TTC7A: variants seen among roughly 807,000 people sequenced by gnomAD.
The protein encoded by TTC7A is tetratricopeptide repeat domain 7A.
Under a neutral mutation model 103.7 loss-of-function variants are expected in TTC7A, and 110 were observed. The observed-to-expected ratio is 1.06, with a 90% confidence interval of 0.91 to 1.24. The LOEUF (loss-of-function observed/expected upper bound fraction) is 1.24, where lower values mean the gene tolerates loss of function less well. Among genes scored for constraint, TTC7A ranks in the 50% most tolerant of loss-of-function variants. TTC7A has a pLI of 0.00. For missense variants in TTC7A, 1,340 were observed against 1,116.3 expected, an observed-to-expected ratio of 1.20 and a Z score of -2.86; for synonymous variants, 521 against 467.9, an observed-to-expected ratio of 1.11 and a Z score of -1.47.
At chr2:47,065,615 A>C (rs899222820) in intron 19 of TTC7A, 6 of 152,194 alleles carry the variant, frequency 3.9e-5, no homozygotes, top group African/African-American at 1.2e-4. Context: ...GGGGGAGGGC[A>C]GAGAGCTTTT....
intron 19 of TTC7A, among the ~76,000 whole-genome samples, chr2:47,071,896 G>A (rs1226684347): frequency 6.6e-6 from 1 of 152,216 alleles, no homozygotes; most frequent in South Asian, 2.1e-4. Context: ...TTAACGTGTG[G>A]AAGCCACTCC....
rs759951486 is a variant in TTC7A, at chr2:47,051,732, C to T, written c.2018-14C>T. 1 of 1,606,892 alleles carries T rather than the reference C, an allele frequency of 6.2e-7. No homozygotes were observed. The highest frequency in any genetic ancestry group is 8.5e-7 in the Non-Finnish European group (1 of 1,176,994). On this transcript the variant is annotated splice_polypyrimidine_tract_variant and intron_variant, in intron 17 of 19. Coordinates refer to ENST00000319190, the MANE Select transcript of TTC7A (RefSeq NM_020458.4). ...CTCTGACCACTGCTCGGCTCGTGCC[C>T]TCTTGCTCTGCAGGCTCCCGGCGGG...
At chr2:46,970,894 T>C (rs906517061) in intron 3 of TTC7A, among the ~76,000 whole-genome samples, 6 of 152,258 alleles carry the variant, frequency 3.9e-5, no homozygotes, top group Middle Eastern at 3.2e-3. Context: ...AGGACCTTCA[T>C]GTTCTCTGCC....
intron 19 of TTC7A, among the ~76,000 whole-genome samples, chr2:47,062,615 G>A (rs1279074648): frequency 6.6e-6 from 1 of 152,238 alleles, no homozygotes; most frequent in African/African-American, 2.4e-5. Context: ...AGAGATGTCT[G>A]CCTTCCACTG....
At chr2:46,980,040 C>T (rs977296649) in intron 5 of TTC7A, among the ~76,000 whole-genome samples, 2 of 152,212 alleles carry the variant, frequency 1.3e-5, no homozygotes, top group African/African-American at 4.8e-5. Context: ...TTTCTTGTCA[C>T]TGACTGCCTG....
Position 46,966,807 on chromosome 2 carries a change from C to A in TTC7A, c.518-8166C>A, listed in dbSNP as rs1302582124. ...ACCCCCAGCTTTTTTTTTTTTTTTT[C>A]GAAGATAAATTCCTAGAAAGTAGAA... On this transcript the variant is annotated intron_variant, in intron 3 of 19. Coordinates refer to ENST00000319190, the MANE Select transcript of TTC7A (RefSeq NM_020458.4). Among the ~76,000 whole-genome samples the A allele has an allele frequency of 3.2e-5, 4 of 125,962 alleles. No individual in the cohort carries two copies. The South Asian group carries it at 7.8e-4, about 25-fold the overall frequency. 82.6% of individuals were successfully genotyped at this position (125,962 alleles called of 152,430 possible).
chr2:47,008,620 GA>G (rs1423298105), intron 10 of TTC7A, among the ~76,000 whole-genome samples: 1 of 152,216 alleles, frequency 6.6e-6, no homozygotes, highest in East Asian at 1.9e-4. Flanking sequence ...GATTGTTCTG[GA>G]AAGCATTCTC....
chr2:46,996,344 T>A (rs993744246), intron 8 of TTC7A, among the ~76,000 whole-genome samples: 7 of 152,046 alleles, frequency 4.6e-5, no homozygotes, highest in Non-Finnish European at 8.8e-5. Context: ...AATAGGTTTT[T>A]AAAAAAACGA....
In TTC7A at chr2:47,008,762, C is replaced by T. The variant is rs112007928; in HGVS notation, c.1287+2038C>T. Among the ~76,000 whole-genome samples the T allele has an allele frequency of 2.7e-3, 418 of 152,218 alleles. 3 individuals are homozygous for T. The highest frequency in any genetic ancestry group is 9.8e-3 in the African/African-American group (405 of 41,526). ...AAGGGCCTGTATCTGTGATTATGCC[C>T]GAAAGGCCTTCCAGAAGGTGAGTCT... On this transcript the variant is annotated intron_variant, in intron 10 of 19. Transcript: ENST00000319190.
chr2:46,968,870 G>A (rs1673094821), intron 3 of TTC7A, among the ~76,000 whole-genome samples: 1 of 151,622 alleles, frequency 6.6e-6, no homozygotes, highest in South Asian at 2.1e-4. Flanking sequence ...TATCACCACA[G>A]AAAGTCCCCT....
chr2:46,921,858 G>A (rs759184399), intron 2 of TTC7A, among the ~76,000 whole-genome samples: 34 of 151,890 alleles, frequency 2.2e-4, no homozygotes, highest in Admixed American at 8.5e-4. Flanking sequence ...ATCTCATGCC[G>A]CCACCGCTGA....
intron 11 of TTC7A, among the ~76,000 whole-genome samples, chr2:47,017,618 A>G (rs1403406635): frequency 6.6e-6 from 1 of 152,232 alleles, no homozygotes; most frequent in Non-Finnish European, 1.5e-5. Flanking sequence ...TATTACCCAC[A>G]GTGGGGTGAG....
intron 14 of TTC7A, among the ~76,000 whole-genome samples, chr2:47,027,586 G>A (rs967893744): frequency 6.6e-6 from 1 of 152,262 alleles, no homozygotes; most frequent in Non-Finnish European, 1.5e-5. Flanking sequence ...AGGGACAAAG[G>A]TGAGTGAGCG....
At chr2:46,955,213 G>A (rs940023120) in intron 2 of TTC7A, among the ~76,000 whole-genome samples, 54 of 151,290 alleles carry the variant, frequency 3.6e-4, no homozygotes, top group African/African-American at 1.2e-3. Flanking sequence ...CCACGAGGAA[G>A]ACGCAGCCCG....
chr2:47,064,567 C>T (rs1684038068), intron 19 of TTC7A, among the ~76,000 whole-genome samples: 1 of 152,232 alleles, frequency 6.6e-6, no homozygotes, highest in Admixed American at 6.5e-5. Context: ...GGACCCCCGG[C>T]AGCCTGCACT....
At chr2:47,059,093 C>G (rs1683561635) in intron 18 of TTC7A, among the ~76,000 whole-genome samples, 1 of 143,206 alleles carries the variant, frequency 7.0e-6, no homozygotes, top group African/African-American at 2.6e-5. Context: ...GCGATCGCAG[C>G]TCACCACAAC....
At chr2:47,015,937 C>T (rs888812922) in intron 11 of TTC7A, among the ~76,000 whole-genome samples, 4 of 152,220 alleles carry the variant, frequency 2.6e-5, no homozygotes, top group Middle Eastern at 3.4e-3. Flanking sequence ...GTTCCGGGCT[C>T]GTGGGAAGGA....
chr2:46,931,692 TAATAAATAAATAAATA>T (rs10524721), intron 2 of TTC7A, among the ~76,000 whole-genome samples: 12 of 148,548 alleles, frequency 8.1e-5, no homozygotes, highest in Non-Finnish European at 1.5e-4. Flanking sequence ...AAACAGACAA[TAATAAATAAATAAATA>T]AATAAATAAA....
intron 19 of TTC7A, among the ~76,000 whole-genome samples, chr2:47,067,024 G>A (rs1020838344): frequency 6.6e-6 from 1 of 152,170 alleles, no homozygotes; most frequent in East Asian, 1.9e-4. Flanking sequence ...TGTGAGAGAA[G>A]GGGAAGCCGA....
Sources: allele counts gnomAD v4.1 joint callset (sites outside exome capture counted in the v4.1 genomes callset), GRCh38; gene constraint gnomAD v4.1.1; transcripts MANE v1.5; gene names NCBI Gene and HGNC (gene_info 2026-07-23, HGNC 2026-07-21).